ARFGEF2: variants seen among roughly 807,000 people sequenced by gnomAD.
ARFGEF2 encodes the protein brefeldin A-inhibited guanine nucleotide-exchange protein 2.
ARFGEF2 carries 74 observed loss-of-function variants against 219.9 expected under a neutral mutation model. The ratio of observed to expected loss-of-function variants is 0.34; its 90% confidence interval spans 0.28 to 0.41. ARFGEF2 has a LOEUF of 0.41. Among genes scored for constraint, ARFGEF2 ranks in the 10% least tolerant of loss-of-function variants. The pLI is 1.00. For synonymous variants in ARFGEF2, 733 were observed against 799.2 expected (o/e 0.92, Z 1.40); for missense variants, 1,743 against 2,218.3 (o/e 0.79, Z 4.30).
intron 8 of ARFGEF2, among the ~76,000 whole-genome samples, chr20:48,968,715 C>A (rs2091206651): frequency 1.3e-5 from 2 of 152,138 alleles, no homozygotes; most frequent in Admixed American, 1.3e-4. Context: ...AGTATAATTA[C>A]CTGTATTAGT....
In ARFGEF2 at chr20:49,036,113, TTTG is replaced by T. The variant is rs1365606416; in HGVS notation, c.*2920_*2922del. ...CAAGTGTGACCATCTCATTCAAATGTTTGTTGTTATGATGCAAATGGATATTGG... is the reference window on the plus strand; with the variant it reads ...CAAGTGTGACCATCTCATTCAAATGTTTGTTATGATGCAAATGGATATTGG... On this transcript the variant is annotated 3_prime_UTR_variant, in exon 39 of 39. Transcript: ENST00000371917. 5.0e-6 allele frequency: 2 copies of T among 398,172 alleles called. No individual in the cohort carries two copies. The highest frequency in any genetic ancestry group is 2.1e-5 in the African/African-American group (1 of 48,602). 24.7% of individuals were successfully genotyped at this position (398,172 alleles called of 1,614,324 possible).
chr20:48,974,438 G>T (rs1289366335), intron 12 of ARFGEF2, among the ~76,000 whole-genome samples: 4 of 152,024 alleles, frequency 2.6e-5, no homozygotes, highest in African/African-American at 4.8e-5. Context: ...TTTAAAAATA[G>T]AAAAATTTAA....
intron 34 of ARFGEF2, among the ~76,000 whole-genome samples, chr20:49,019,337 A>G (rs1473181338): frequency 1.3e-5 from 2 of 152,162 alleles, no homozygotes; most frequent in Non-Finnish European, 2.9e-5. Context: ...TCCTTTTACC[A>G]GTTATGGAAT....
At position 49,013,631 on chromosome 20, in the gene ARFGEF2, G is replaced by T; in HGVS notation, c.3986G>T (p.Trp1329Leu). 6.2e-7 allele frequency: 1 copy of T among 1,614,154 alleles called. No homozygotes were observed. The highest frequency in any genetic ancestry group is 1.3e-5 in the African/African-American group (1 of 75,032). Residue 1329 changes from tryptophan (W) to leucine (L), a missense_variant, in exon 29 of 39, where the codon TGG becomes TTG. By Grantham distance (61) the Trp-to-Leu change is moderately conservative (BLOSUM62 -2). This residue lies in a region of ARFGEF2 where 578 missense variants were observed against 664.0 expected (regional missense o/e 0.87). Coordinates refer to ENST00000371917, the MANE Select transcript of ARFGEF2 (RefSeq NM_006420.3). ...GGTGACAGAGTCTGGGTCCGAGGCT[G>T]GTTCCCCATCTTATTCGAACTCTCC... ...APGDRVWVRG[W>L]FPILFELSCI... is the part of the protein sequence containing the mutation.
chr20:48,933,993 G>C (rs2090930589), intron 1 of ARFGEF2, among the ~76,000 whole-genome samples: 1 of 152,042 alleles, frequency 6.6e-6, no homozygotes, highest in South Asian at 2.1e-4. Context: ...GGTGGCACGT[G>C]CCTGTAGTCC....
Position 48,966,175 on chromosome 20 carries a change from G to C in ARFGEF2, c.1059+152G>C, listed in dbSNP as rs73115812. 6,599 of 980,378 alleles carry C rather than the reference G, an allele frequency of 6.7e-3. 41 individuals are homozygous for C. Among genetic ancestry groups the C allele is most frequent in the Non-Finnish European group, 8.6e-3 (5,455 of 637,918 alleles). 60.7% of individuals were successfully genotyped at this position (980,378 alleles called of 1,614,324 possible). ...TCCTGGGCTGATATTCTTTGTATTA[G>C]CAGGTTCAGTTCTTAGAACGTGCTA... On this transcript the variant is annotated intron_variant, in intron 8 of 38. Transcript: ENST00000371917.
intron 1 of ARFGEF2, among the ~76,000 whole-genome samples, chr20:48,930,384 C>T (rs2090905709): frequency 6.6e-6 from 1 of 152,216 alleles, no homozygotes. Context: ...AGGCAGTTAC[C>T]ATTGTTCAGG....
intron 30 of ARFGEF2, among the ~76,000 whole-genome samples, chr20:49,014,214 C>A (rs2091517420): frequency 6.6e-6 from 1 of 151,934 alleles, no homozygotes; most frequent in African/African-American, 2.4e-5. Context: ...AGGCATTGCA[C>A]CTTCCAGTTC....
chr20:48,971,159 G>T lies in ARFGEF2; in HGVS notation c.1230G>T (p.Leu410=). The change falls in exon 10 of 39, where the codon CTG becomes CTT. Residue 410 remains leucine, a synonymous_variant. Transcript: ENST00000371917. ...ELRSKVVSLQ[L]LLSVLQNAGP... ...GTTCCAAGGTGGTTTCCCTGCAGCT[G>T]CTCCTCTCTGTGTTGCAAAATGCTG... 1 of 1,614,096 alleles carries T rather than the reference G, an allele frequency of 6.2e-7. No homozygotes were observed. The highest frequency in any genetic ancestry group is 8.5e-7 in the Non-Finnish European group (1 of 1,180,020).
chr20:48,921,949 C>G lies in ARFGEF2; in HGVS notation c.60C>G (p.Ala20=), dbSNP rs762256068. 3 of 1,570,868 alleles carry G rather than the reference C, an allele frequency of 1.9e-6. No homozygotes were observed. In the South Asian group the frequency reaches 3.5e-5, roughly 18 times the overall value. The change falls in exon 1 of 39, where the codon GCC becomes GCG. Residue 20 remains alanine (A), a synonymous_variant. Transcript: ENST00000371917. ...FVSRALEKIL[A]DKEVKRPQHS... ...CCCGGGCCCTGGAGAAGATCCTAGCCGACAAGGAGGTGAAGCGGCCCCAGC... is the reference window on the plus strand; with the variant it reads ...CCCGGGCCCTGGAGAAGATCCTAGCGGACAAGGAGGTGAAGCGGCCCCAGC...
rs1201516629 is a variant in ARFGEF2 at position 49,022,750 on chromosome 20, A to G, written c.4625-301A>G. Among the ~76,000 whole-genome samples, 6 of 152,148 alleles carry G rather than the reference A, an allele frequency of 3.9e-5. No homozygotes were observed. In the South Asian group the frequency reaches 1.2e-3, roughly 32 times the overall value. On this transcript the variant is annotated intron_variant, in intron 34 of 38. Coordinates refer to ENST00000371917, the MANE Select transcript of ARFGEF2 (RefSeq NM_006420.3). ...ATAATATTCTTAAAATATTTCATTT[A>G]TTGTCTGTCAACACCATGGGAGCAG...
intron 14 of ARFGEF2, among the ~76,000 whole-genome samples, chr20:48,984,219 G>C (rs1204903790): frequency 6.6e-6 from 1 of 152,180 alleles, no homozygotes; most frequent in East Asian, 1.9e-4. Context: ...TAGCCAGAGA[G>C]GGTGGCCTCA....
intron 30 of ARFGEF2, 141 bp downstream of exon 30, chr20:49,014,101 CT>C: frequency 9.5e-7 from 1 of 1,048,104 alleles, no homozygotes; most frequent in South Asian, 1.3e-5. Context: ...ATGGAAACAC[CT>C]TTCTGATACT....
intron 1 of ARFGEF2, among the ~76,000 whole-genome samples, chr20:48,940,870 A>C (rs769881426): frequency 6.6e-6 from 1 of 152,224 alleles, no homozygotes; most frequent in Non-Finnish European, 1.5e-5. Flanking sequence ...CTCATAACAA[A>C]GAATTCTTCA....
chr20:48,955,165 A>G (rs1295161061), intron 6 of ARFGEF2, among the ~76,000 whole-genome samples: 1 of 152,134 alleles, frequency 6.6e-6, no homozygotes, highest in Non-Finnish European at 1.5e-5. Context: ...CCCTGTCCTC[A>G]TAGCTTATAC....
intron 36 of ARFGEF2, among the ~76,000 whole-genome samples, chr20:49,026,032 A>G (rs2091599964): frequency 6.6e-6 from 1 of 151,208 alleles, no homozygotes; most frequent in Admixed American, 6.6e-5. Flanking sequence ...GAATTGATCT[A>G]GCAAGTCAAA....
At chr20:48,982,946 G>A (rs2091305799) in intron 14 of ARFGEF2, among the ~76,000 whole-genome samples, 1 of 152,136 alleles carries the variant, frequency 6.6e-6, no homozygotes, top group Admixed American at 6.5e-5. Flanking sequence ...GACCCCTTAC[G>A]CTTCCCGGGT....
At chr20:48,967,589 T>C (rs1159395872) in intron 8 of ARFGEF2, among the ~76,000 whole-genome samples, 6 of 152,172 alleles carry the variant, frequency 3.9e-5, no homozygotes, top group African/African-American at 9.7e-5. Context: ...CGAGACCCCA[T>C]CTCATAAATA....
chr20:48,974,563 T>C (rs1162746961), intron 12 of ARFGEF2, among the ~76,000 whole-genome samples: 1 of 152,236 alleles, frequency 6.6e-6, no homozygotes, highest in Non-Finnish European at 1.5e-5. Context: ...GTGTTTATAA[T>C]GAGCACCTTT....
Sources: gnomAD v4.1 joint callset for allele counts (sites outside exome capture counted in the v4.1 genomes callset) on GRCh38, gnomAD v4.1.1 for gene constraint, gnomAD v4.1.1 regional missense constraint, MANE v1.5 for transcripts, NCBI Gene and HGNC (gene_info 2026-07-23, HGNC 2026-07-21) for gene names.